INTS9: variants seen among roughly 807,000 people sequenced by gnomAD.
INTS9 encodes integrator complex subunit 9, also known as protein related to CPSF subunits of 74 kDa.
A neutral mutation model predicts 79.7 loss-of-function variants in INTS9; 55 were observed. That is an observed-to-expected ratio of 0.69 (90% CI 0.56 to 0.86). INTS9 has a LOEUF of 0.86. Ranked by LOEUF, INTS9 falls within the 40% of genes least tolerant of loss-of-function variation. The probability of loss-of-function intolerance (pLI) is 0.00; values close to 1 mark genes in which losing one functional copy is unlikely to be tolerated. For missense variants in INTS9, 721 were observed against 831.5 expected, an observed-to-expected ratio of 0.87 and a Z score of 1.64; for synonymous variants, 319 against 325.2, an observed-to-expected ratio of 0.98 and a Z score of 0.20.
chr8:28,864,449 CA>C (rs139689258), intron 1 of INTS9, among the ~76,000 whole-genome samples: 1 of 152,048 alleles, frequency 6.6e-6, no homozygotes, highest in Non-Finnish European at 1.5e-5. Flanking sequence ...GATTGGTGAG[CA>C]AATAAATTGG....
chr8:28,841,694 A>C (rs1253450252), intron 4 of INTS9, among the ~76,000 whole-genome samples: 1 of 152,088 alleles, frequency 6.6e-6, no homozygotes, highest in East Asian at 1.9e-4. Flanking sequence ...GTTGACTAGA[A>C]GCCTTCCTGA....
At chr8:28,887,158 T>G (rs1810212775) in intron 1 of INTS9, among the ~76,000 whole-genome samples, 1 of 152,134 alleles carries the variant, frequency 6.6e-6, no homozygotes, top group Non-Finnish European at 1.5e-5. Context: ...TAGACAGAGA[T>G]CTGAAATATA....
intron 1 of INTS9, 175 bp downstream of exon 1, chr8:28,889,699 G>A: frequency 1.6e-6 from 1 of 629,302 alleles, no homozygotes. Context: ...GGGTGGGGGA[G>A]AGGGAATTCA....
chr8:28,822,801 C>G (rs1412299786), intron 6 of INTS9, among the ~76,000 whole-genome samples: 1 of 152,142 alleles, frequency 6.6e-6, no homozygotes, highest in Non-Finnish European at 1.5e-5. Flanking sequence ...AGATTTCTAT[C>G]AAATAGTTTG....
At chr8:28,820,192 A>G (rs1805744889) in intron 6 of INTS9, among the ~76,000 whole-genome samples, 2 of 152,322 alleles carry the variant, frequency 1.3e-5, no homozygotes, top group South Asian at 2.1e-4. Context: ...TGATCCTGTC[A>G]TTATGATGTT....
intron 8 of INTS9, among the ~76,000 whole-genome samples, chr8:28,809,341 T>C (rs2131030663): frequency 6.6e-6 from 1 of 152,252 alleles, no homozygotes; most frequent in Admixed American, 6.5e-5. Context: ...CCAAAATAGG[T>C]GGCATGCTAC....
intron 2 of INTS9, 123 bp from the exon 3 acceptor site, chr8:28,850,396 C>A (rs555026364): frequency 1.7e-6 from 1 of 590,806 alleles, no homozygotes; most frequent in South Asian, 3.3e-5. Context: ...TAGTTCTTAC[C>A]CTAAATTCCA....
At chr8:28,780,762 G>A in intron 12 of INTS9, 61 bp downstream of exon 12, 1 of 1,585,568 alleles carries the variant, frequency 6.3e-7, no homozygotes. Flanking sequence ...TACCTTGTAG[G>A]TGCATTCACT....
rs139811259 is a variant in INTS9 at position 28,771,060 on chromosome 8, G to A, written c.1584C>T (p.Pro528=). 467 of 1,611,178 alleles carry A rather than the reference G, an allele frequency of 2.9e-4. No individual in the cohort carries two copies. The highest frequency in any genetic ancestry group is 3.5e-4 in the Non-Finnish European group (412 of 1,178,788). The change falls in exon 15 of 17, where the codon CCC becomes CCT. Residue 528 remains proline (P), a synonymous_variant. Transcript: ENST00000521022. ...IMPELADSLV[P]MEIKPGISLA... is the part of the protein sequence containing the mutation. The stretch of plus-strand genomic sequence containing the variant: ...AGGAGATGCCAGGCTTGATCTCCAT[G>A]GGCACCAGTGAATCTGCGAGCTGAA...
chr8:28,837,555 T>G (rs898969016), intron 5 of INTS9, 82 bp downstream of exon 5: 19 of 1,425,166 alleles, frequency 1.3e-5, no homozygotes, highest in Non-Finnish European at 1.7e-5. Flanking sequence ...CCACCAGCCC[T>G]GGTATAATAC....
At chr8:28,857,985 G>A (rs1393535751) in intron 2 of INTS9, among the ~76,000 whole-genome samples, 2 of 152,160 alleles carry the variant, frequency 1.3e-5, no homozygotes, top group Non-Finnish European at 2.9e-5. Context: ...GAGAGTGAAA[G>A]AATGGGAAGG....
At chr8:28,858,735 C>A (rs775264498) in intron 2 of INTS9, among the ~76,000 whole-genome samples, 1 of 152,126 alleles carries the variant, frequency 6.6e-6, no homozygotes, top group South Asian at 2.1e-4. Flanking sequence ...AGAAAGCTTA[C>A]CCAGCTTACT....
intron 1 of INTS9, chr8:28,859,771 T>G (rs1379124242): frequency 1.9e-5 from 12 of 640,062 alleles, no homozygotes; most frequent in Non-Finnish European, 5.7e-6. Context: ...CACACCCATC[T>G]GTCTTTTCAC....
intron 16 of INTS9, among the ~76,000 whole-genome samples, chr8:28,769,128 A>G (rs1033540452): frequency 3.9e-5 from 6 of 152,226 alleles, no homozygotes; most frequent in Non-Finnish European, 8.8e-5. Context: ...GGAAAATCAA[A>G]GACAGGTGGA....
chr8:28,852,046 C>G (rs1010747918), intron 2 of INTS9, among the ~76,000 whole-genome samples: 53 of 151,946 alleles, frequency 3.5e-4, no homozygotes, highest in Non-Finnish European at 4.4e-4. Context: ...TAGTAAGACC[C>G]TGTCTCTATA....
chr8:28,776,143 C>T (rs1802864624), intron 13 of INTS9: 1 of 443,036 alleles, frequency 2.3e-6, no homozygotes, highest in Non-Finnish European at 4.0e-6. Context: ...CCTAAACTGC[C>T]TCAGCTTAAT....
intron 11 of INTS9, among the ~76,000 whole-genome samples, chr8:28,786,344 A>G (rs1251805457): frequency 6.6e-6 from 1 of 151,792 alleles, no homozygotes; most frequent in Non-Finnish European, 1.5e-5. Context: ...TGCAGTAAGT[A>G]GCACGATTGC....
At chr8:28,769,651 T>C (rs566594157) in intron 16 of INTS9, 12 of 501,004 alleles carry the variant, frequency 2.4e-5, no homozygotes, top group African/African-American at 2.0e-4. Context: ...AGCAGCTTTT[T>C]CTTCAGTCTG....
At chr8:28,796,885 C>T (rs1455726570) in intron 8 of INTS9, 1 of 452,022 alleles carries the variant, frequency 2.2e-6, no homozygotes, top group Non-Finnish European at 4.0e-6. Context: ...AGTTCTGTAT[C>T]TTCACTGGGG....
Sources: allele counts gnomAD v4.1 joint callset (sites outside exome capture counted in the v4.1 genomes callset), GRCh38; gene constraint gnomAD v4.1.1; transcripts MANE v1.5; gene names NCBI Gene and HGNC (gene_info 2026-07-23, HGNC 2026-07-21).